Variants in RIMS1 observed in about 807,000 individuals in gnomAD.
RIMS1 encodes the protein regulating synaptic membrane exocytosis protein 1.
Under a neutral mutation model 214.1 loss-of-function variants are expected in RIMS1, and 83 were observed. That is an observed-to-expected ratio of 0.39 (90% CI 0.32 to 0.47). The LOEUF (loss-of-function observed/expected upper bound fraction) is 0.47, where lower values mean the gene tolerates loss of function less well. RIMS1 is among the 20% of genes least tolerant of loss of function. RIMS1 has a pLI of 0.99. For missense variants in RIMS1, 2,050 were observed against 2,161.8 expected (o/e 0.95, Z 1.03); for synonymous variants, 793 against 786.8 (o/e 1.01, Z -0.13).
intron 29 of RIMS1, among the ~76,000 whole-genome samples, chr6:72,389,603 G>C (rs557483385): frequency 6.6e-6 from 1 of 152,012 alleles, no homozygotes; most frequent in Non-Finnish European, 1.5e-5. Context: ...AAGTTAATGT[G>C]TTTATATAGT....
intron 2 of RIMS1, among the ~76,000 whole-genome samples, chr6:72,057,498 C>CTTT (rs56115719): frequency 2.2e-4 from 28 of 126,212 alleles, no homozygotes; most frequent in South Asian, 5.1e-4. Context: ...CCTTCTTTTT[C>CTTT]TTTTTTTTTT....
chr6:72,155,707 C>G (rs1268032978), intron 4 of RIMS1, among the ~76,000 whole-genome samples: 1 of 140,482 alleles, frequency 7.1e-6, no homozygotes, highest in Non-Finnish European at 1.6e-5. Flanking sequence ...TCTAGTGAGA[C>G]TCATTCACTA....
chr6:72,120,131 T>A (rs141597939), intron 4 of RIMS1, among the ~76,000 whole-genome samples: 1,971 of 152,028 alleles, frequency 0.013, 59 homozygotes, highest in African/African-American at 0.045. Context: ...CATGTGTCTT[T>A]ATAGTAGCAT....
intron 29 of RIMS1, among the ~76,000 whole-genome samples, chr6:72,381,804 G>A (rs1267983626): frequency 6.6e-6 from 1 of 152,148 alleles, no homozygotes; most frequent in Non-Finnish European, 1.5e-5. Context: ...ATAGCTATTA[G>A]CCATGGAAGA....
rs1004114417 is a variant in RIMS1, at chr6:72,080,757, C to G, written c.246-16192C>G. On this transcript the variant is annotated intron_variant, in intron 2 of 33. Coordinates refer to ENST00000521978, the MANE Select transcript of RIMS1 (RefSeq NM_014989.7). ...ACACTTGCTGCATCCTCTGCCAAGC[C>G]CCTCTCTCTGTAATGTGCTCCCTCA... Among the ~76,000 whole-genome samples, 38 of 152,154 alleles carry G rather than the reference C, an allele frequency of 2.5e-4. 1 individual carries two copies. Among genetic ancestry groups the G allele is most frequent in the Middle Eastern group, 3.2e-3 (1 of 316 alleles).
chr6:72,086,326 C>A (rs1350718546), intron 2 of RIMS1, among the ~76,000 whole-genome samples: 1 of 152,020 alleles, frequency 6.6e-6, no homozygotes, highest in South Asian at 2.1e-4. Flanking sequence ...GTGAAAAATT[C>A]ACCTAAGTAA....
At chr6:72,027,520 T>C (rs1264501603) in intron 2 of RIMS1, among the ~76,000 whole-genome samples, 1 of 152,148 alleles carries the variant, frequency 6.6e-6, no homozygotes, top group Non-Finnish European at 1.5e-5. Context: ...AACAATCTAA[T>C]ATAAATATTC....
chr6:71,977,635 G>A (rs1375912872), intron 2 of RIMS1, among the ~76,000 whole-genome samples: 1 of 152,154 alleles, frequency 6.6e-6, no homozygotes, highest in Non-Finnish European at 1.5e-5. Context: ...GGCTCTAAGA[G>A]GAGGTGACAT....
chr6:72,000,602 C>T (rs748290111), intron 2 of RIMS1, among the ~76,000 whole-genome samples: 16 of 152,148 alleles, frequency 1.1e-4, no homozygotes, highest in Non-Finnish European at 2.2e-4. Context: ...TATCTTCCTT[C>T]TCTTTTCTAC....
intron 28 of RIMS1, among the ~76,000 whole-genome samples, chr6:72,317,606 G>A (rs968620489): frequency 3.9e-5 from 6 of 152,148 alleles, no homozygotes; most frequent in African/African-American, 1.2e-4. Context: ...TTTGAAAAGT[G>A]TTATAGAAAA....
chr6:72,116,231 A>G (rs1018746538), intron 4 of RIMS1, among the ~76,000 whole-genome samples: 1 of 151,940 alleles, frequency 6.6e-6, no homozygotes, highest in African/African-American at 2.4e-5. Flanking sequence ...ACCCAACACC[A>G]GTTCTCTTAC....
intron 29 of RIMS1, among the ~76,000 whole-genome samples, chr6:72,385,104 CT>C (rs1204498503): frequency 1.3e-5 from 2 of 152,114 alleles, no homozygotes; most frequent in South Asian, 2.1e-4. Context: ...CTTTTCTAAT[CT>C]TTTTTATTCT....
chr6:72,022,799 G>A lies in RIMS1; in HGVS notation c.245+53736G>A, dbSNP rs762919354. Among the ~76,000 whole-genome samples the A allele has an allele frequency of 3.3e-4, 50 of 152,102 alleles. 1 individual carries two copies. Among genetic ancestry groups the A allele is most frequent in the Non-Finnish European group, 5.6e-4 (38 of 68,014 alleles). ...ACCCATTTTCTGGAACATATTAGGT[G>A]CAAATAAAGAGGAATGCCTCTAATG... On this transcript the variant is annotated intron_variant, in intron 2 of 33. Transcript: ENST00000521978.
intron 6 of RIMS1, among the ~76,000 whole-genome samples, chr6:72,224,273 A>T (rs2154056840): frequency 6.6e-6 from 1 of 152,350 alleles, no homozygotes; most frequent in Admixed American, 6.5e-5. Flanking sequence ...AAATTGATTT[A>T]CCACATAGCC....
Position 72,307,262 on chromosome 6 carries a change from C to G in RIMS1, c.3855C>G (p.Ser1285Arg). ...TTCCATTATGTGTTTTTGCAGCAAG[C>G]TTAGTAGTGGAGGAGCGAACAAGAC... ...PVRSGSIEQA[S>R]LVVEERTRQM... The change falls in exon 27 of 34, where the codon AGC (serine) becomes AGG (arginine). Residue 1285 changes from serine (S) to arginine (R), a missense_variant. Around this residue, in one of 6 missense-constraint regions of RIMS1, gnomAD observed 889 missense variants for 885.5 expected, o/e 1.00. Transcript: ENST00000521978. 6.3e-7 allele frequency: 1 copy of G among 1,593,634 alleles called. No homozygotes were observed. The highest frequency in any genetic ancestry group is 8.6e-7 in the Non-Finnish European group (1 of 1,168,970).
chr6:71,961,653 A>G (rs1207612890), intron 1 of RIMS1, among the ~76,000 whole-genome samples: 1 of 151,982 alleles, frequency 6.6e-6, no homozygotes. Context: ...TTCAGACCTC[A>G]TCTTATTTGA....
At chr6:72,325,099 T>C (rs2096388574) in intron 28 of RIMS1, among the ~76,000 whole-genome samples, 1 of 151,948 alleles carries the variant, frequency 6.6e-6, no homozygotes, top group Admixed American at 6.6e-5. Context: ...ATTACAAATA[T>C]TTAAAGAATA....
At chr6:71,900,378 TTTTTC>T (rs1293732215) in intron 1 of RIMS1, among the ~76,000 whole-genome samples, 4 of 152,010 alleles carry the variant, frequency 2.6e-5, no homozygotes, top group African/African-American at 7.2e-5. Flanking sequence ...GTTTTAGAGT[TTTTTC>T]TTTATTTTAA....
chr6:72,394,572 G>T (rs966278450), intron 31 of RIMS1, among the ~76,000 whole-genome samples: 2 of 151,966 alleles, frequency 1.3e-5, no homozygotes, highest in African/African-American at 4.8e-5. Context: ...ATTCCAGAAA[G>T]TAAATCAGAT....
Sources: gnomAD v4.1 joint callset for allele counts (sites outside exome capture counted in the v4.1 genomes callset) on GRCh38, gnomAD v4.1.1 for gene constraint, gnomAD v4.1.1 regional missense constraint, MANE v1.5 for transcripts, NCBI Gene and HGNC (gene_info 2026-07-23, HGNC 2026-07-21) for gene names.